ZNF418: variants seen among roughly 807,000 people sequenced by gnomAD.
ZNF418 encodes zinc finger protein 418.
A neutral mutation model predicts 32.0 loss-of-function variants in ZNF418; 32 were observed. The observed-to-expected ratio is 1.00, with a 90% CI of 0.75 to 1.34. The LOEUF is 1.34. Among genes scored for constraint, ZNF418 ranks in the 40% most tolerant of loss-of-function variants. The pLI is 0.00. For synonymous variants in ZNF418, 276 were observed against 270.7 expected (o/e 1.02, Z -0.19); for missense variants, 804 against 812.5 (o/e 0.99, Z 0.13).
rs1229473756 is a variant in ZNF418 at position 57,926,214 on chromosome 19, A to AATGATTTTCCAC, written c.1955_1966dup (p.Cys652_Ser655dup). 6.2e-7 allele frequency: 1 copy of AATGATTTTCCAC among 1,613,976 alleles called. No individual in the cohort carries two copies. Among genetic ancestry groups the AATGATTTTCCAC allele is most frequent in the African/African-American group, 1.3e-5 (1 of 74,914 alleles). ...TCGAAGGAGAGAAGAGCTTCGATGA[A>AATGATTTTCCAC]ATGATTTTCCACATTCACTGCACTC... On this transcript the variant is annotated inframe_insertion, in exon 4 of 6. Coordinates refer to ENST00000396147, the MANE Select transcript of ZNF418 (RefSeq NM_133460.3).
chr19:57,934,933 T>G lies in ZNF418; in HGVS notation c.-81+228A>C, dbSNP rs2072634231. 5.3e-6 allele frequency: 6 copies of G among 1,142,558 alleles called. No individual in the cohort carries two copies. In the South Asian group the frequency reaches 7.1e-5, roughly 14 times the overall value. 70.8% of individuals were successfully genotyped at this position (1,142,558 alleles called of 1,614,324 possible). On this transcript the variant is annotated intron_variant, in intron 1 of 5. Transcript: ENST00000396147. ...CCTACAGGCGCCTGTGGACCCCAGGTTCCATCCTCCCGGGTCTGTCCTCCA... is the reference window on the plus strand; with the variant it reads ...CCTACAGGCGCCTGTGGACCCCAGGGTCCATCCTCCCGGGTCTGTCCTCCA...
rs373412073 is a variant in ZNF418 at position 57,927,533 on chromosome 19, G to C, written c.648C>G (p.His216Gln). The change falls in exon 4 of 6, where the codon CAC (histidine) becomes CAG (glutamine). Residue 216 changes from histidine (H) to glutamine (Q), a missense_variant. By Grantham distance (24) the His-to-Gln change is conservative. Transcript: ENST00000396147. ...GAAGTCTCTGCTGTTGAACAAATAC[G>C]TGTTTGGTGCTAGAATGTTTCATGC... ...GECMKHSSTK[H>Q]VFVQQQRLPS... The C allele has an allele frequency of 2.5e-6, 4 of 1,614,072 alleles. No individual in the cohort carries two copies. The highest frequency in any genetic ancestry group is 3.4e-6 in the Non-Finnish European group (4 of 1,180,034).
In ZNF418 at chr19:57,927,039, T is replaced by G. The variant is rs1197157019; in HGVS notation, c.1142A>C (p.Gln381Pro). The G allele has an allele frequency of 6.2e-7, 1 of 1,614,020 alleles. No individual in the cohort carries two copies. Among genetic ancestry groups the G allele is most frequent in the African/African-American group, 1.3e-5 (1 of 74,890 alleles). Residue 381 changes from glutamine to proline, a missense_variant, in exon 4 of 6, where the codon CAA becomes CCA. Around this residue, in one of 3 missense-constraint regions of ZNF418, gnomAD observed 475 missense variants for 458.6 expected, o/e 1.04. Coordinates refer to ENST00000396147, the MANE Select transcript of ZNF418 (RefSeq NM_133460.3). ...ECEECGKCFS[Q>P]KGTLTEHHRV... ...ATGATGTTCAGTTAGGGTGCCCTTTTGACTAAAACATTTTCCACATTCTTC... is the reference window on the plus strand; with the variant it reads ...ATGATGTTCAGTTAGGGTGCCCTTTGGACTAAAACATTTTCCACATTCTTC...
intron 3 of ZNF418, 113 bp downstream of exon 3, chr19:57,930,315 A>T: frequency 6.6e-7 from 1 of 1,523,832 alleles, no homozygotes; most frequent in Non-Finnish European, 9.1e-7. Context: ...AGAGAAGTGG[A>T]GAAGGAAGCT....
intron 2 of ZNF418, among the ~76,000 whole-genome samples, chr19:57,933,362 G>A (rs961127788): frequency 4.6e-5 from 7 of 152,088 alleles, no homozygotes; most frequent in African/African-American, 9.7e-5. Context: ...GGTAGATCAC[G>A]AGGTCAGGAG....
intron 3 of ZNF418, among the ~76,000 whole-genome samples, chr19:57,928,403 GC>G (rs1329594277): frequency 6.6e-6 from 1 of 152,068 alleles, no homozygotes; most frequent in East Asian, 1.9e-4. Context: ...CTCCACAGTA[GC>G]TGGGACCACA....
At chr19:57,932,438 T>C (rs777649246) in intron 2 of ZNF418, 32 of 1,535,332 alleles carry the variant, frequency 2.1e-5, no homozygotes, top group Non-Finnish European at 2.7e-5. Context: ...ACCACAGAAT[T>C]CTCATGGCTC....
chr19:57,922,752 A>G, intron 5 of ZNF418, 123 bp from the exon 6 acceptor site: 1 of 391,454 alleles, frequency 2.6e-6, no homozygotes, highest in Non-Finnish European at 4.5e-6. Context: ...TAATCTTAGC[A>G]TTTTGAGAGG....
chr19:57,931,889 A>G (rs1272826580), intron 2 of ZNF418, among the ~76,000 whole-genome samples: 1 of 152,190 alleles, frequency 6.6e-6, no homozygotes, highest in African/African-American at 2.4e-5. Context: ...AAGTATTTTA[A>G]TCCCCTTCTT....
At chr19:57,929,484 T>G (rs557489399) in intron 3 of ZNF418, among the ~76,000 whole-genome samples, 22 of 152,162 alleles carry the variant, frequency 1.4e-4, no homozygotes, top group Non-Finnish European at 3.1e-4. Flanking sequence ...CTGGGGCAAC[T>G]AGCCTCTGTG....
chr19:57,928,114 CGT>C, intron 3 of ZNF418, 67 bp from the exon 4 acceptor site: 1 of 1,345,332 alleles, frequency 7.4e-7, no homozygotes, highest in Non-Finnish European at 1.0e-6. Flanking sequence ...CACCCACAAG[CGT>C]GTCTGACAAA....
At chr19:57,925,104 T>C (rs1217115027) in intron 4 of ZNF418, among the ~76,000 whole-genome samples, 3 of 152,164 alleles carry the variant, frequency 2.0e-5, no homozygotes, top group South Asian at 2.1e-4. Context: ...GCCTTATTCA[T>C]TGCACAAATC....
chr19:57,930,788 G>GT (rs1213619699), intron 2 of ZNF418, among the ~76,000 whole-genome samples: 1 of 151,924 alleles, frequency 6.6e-6, no homozygotes, highest in Admixed American at 6.6e-5. Flanking sequence ...TTGTTTTTTT[G>GT]TTTTTCTGAG....
chr19:57,933,942 C>T lies in ZNF418; in HGVS notation c.-80-40G>A, dbSNP rs184244171. The T allele has an allele frequency of 3.5e-4, 554 of 1,603,748 alleles. 1 individual carries two copies. In the African/African-American group the frequency reaches 6.5e-3, roughly 19 times the overall value. ...GACTGTGGTAACATCACCTCCTCGC[C>T]GCCCTCTTGCCTCCCCACCGAATTT... On this transcript the variant is annotated intron_variant, in intron 1 of 5. Transcript: ENST00000396147.
chr19:57,934,127 G>A (rs2072597836), intron 1 of ZNF418: 3 of 1,335,216 alleles, frequency 2.2e-6, no homozygotes, highest in African/African-American at 1.5e-5. Context: ...TCAAAGGACT[G>A]AAAAAATGGC....
intron 2 of ZNF418, among the ~76,000 whole-genome samples, chr19:57,933,179 C>T (rs1046719553): frequency 1.3e-5 from 2 of 152,244 alleles, no homozygotes; most frequent in African/African-American, 4.8e-5. Flanking sequence ...ATTATACCTA[C>T]TATGTGCTCA....
intron 1 of ZNF418, 188 bp from the exon 2 acceptor site, chr19:57,934,090 GTT>G: frequency 7.1e-7 from 1 of 1,403,894 alleles, no homozygotes; most frequent in Non-Finnish European, 9.3e-7. Context: ...AGGATTCTGG[GTT>G]TAGGGTTTCT....
rs566611521 is a variant in ZNF418, at chr19:57,933,825, T to A, written c.-3A>T. 91 of 1,614,012 alleles carry A rather than the reference T, an allele frequency of 5.6e-5. No individual in the cohort carries two copies. Among genetic ancestry groups the A allele is most frequent in the Non-Finnish European group, 6.7e-5 (79 of 1,180,008 alleles). On this transcript the variant is annotated 5_prime_UTR_variant, in exon 2 of 6. Coordinates refer to ENST00000396147, the MANE Select transcript of ZNF418 (RefSeq NM_133460.3). Reference sequence around the variant, plus strand: ...GGTCCAGTAACCCTCACCTGCATTATGGCAGGAGTTTAAACTCTGATCCTC... The same window carrying A: ...GGTCCAGTAACCCTCACCTGCATTAAGGCAGGAGTTTAAACTCTGATCCTC...
rs1473552167 is a variant in ZNF418, at chr19:57,926,798, T to C, written c.1383A>G (p.Lys461=). ...TGAGGTGGGACTTGCCCCTAAATAATTTCCTACACTCTCTACACTCATAAG... is the reference window on the plus strand; with the variant it reads ...TGAGGTGGGACTTGCCCCTAAATAACTTCCTACACTCTCTACACTCATAAG... ...ERPYECRECR[K]LFRGKSHLIE... Residue 461 remains lysine, a synonymous_variant, in exon 4 of 6, where the codon AAA becomes AAG. Coordinates refer to ENST00000396147, the MANE Select transcript of ZNF418 (RefSeq NM_133460.3). 1.9e-6 allele frequency: 3 copies of C among 1,613,992 alleles called. No homozygotes were observed. Among genetic ancestry groups the C allele is most frequent in the Non-Finnish European group, 2.5e-6 (3 of 1,179,962 alleles).
Sources: allele counts gnomAD v4.1 joint callset (sites outside exome capture counted in the v4.1 genomes callset), GRCh38; gene constraint gnomAD v4.1.1; regional missense constraint gnomAD v4.1.1; transcripts MANE v1.5; gene names NCBI Gene and HGNC (gene_info 2026-07-23, HGNC 2026-07-21).